The following TRIQK variants were observed in gnomAD, a reference collection of about 807,000 sequenced individuals.
The protein encoded by TRIQK is triple QxxK/R motif containing.
In TRIQK, 10 loss-of-function variants were observed where a neutral mutation model predicts 10.8. That is an observed-to-expected ratio of 0.92 (90% confidence interval 0.57 to 1.57). TRIQK has a LOEUF of 1.57. Among genes scored for constraint, TRIQK ranks in the 40% most tolerant of loss-of-function variants. TRIQK has a pLI of 0.00. For synonymous variants in TRIQK, 33 were observed against 33.7 expected (o/e 0.98, Z 0.07); for missense variants, 107 against 97.7 (o/e 1.09, Z -0.40).
rs760147438 is a variant in TRIQK at position 92,886,743 on chromosome 8, GA to G, written c.148-9del. 1.7e-4 allele frequency: 239 copies of G among 1,405,498 alleles called. No homozygotes were observed. Among genetic ancestry groups the G allele is most frequent in the African/African-American group, 5.3e-4 (36 of 68,234 alleles). 87.1% of individuals were successfully genotyped at this position (1,405,498 alleles called of 1,614,324 possible). A position where few individuals can be genotyped will look rare whatever the true frequency, so the allele number is the denominator to read the frequency against. On this transcript the variant is annotated splice_polypyrimidine_tract_variant and intron_variant, in intron 4 of 4. Transcript: ENST00000521988. ...AAGTACAAGGCCAACTTCCTGGGAA[GA>G]AAAAAAAAGTAGACTTGAAATTGAT...
At chr8:92,969,904 C>T (rs907848451), upstream of TRIQK, among the ~76,000 whole-genome samples, 2 of 152,050 alleles carry the variant, frequency 1.3e-5, no homozygotes, top group Non-Finnish European at 2.9e-5. Context: ...AGATATTAAG[C>T]CCAGCATGCA....
chr8:93,008,361 T>C (rs1813295236), intron 1 of TRIQK, among the ~76,000 whole-genome samples: 1 of 152,126 alleles, frequency 6.6e-6, no homozygotes, highest in East Asian at 1.9e-4. Context: ...TATCCAGTAG[T>C]CTTCGATGGG....
chr8:92,913,452 T>G (rs1370647430), intron 3 of TRIQK, among the ~76,000 whole-genome samples: 1 of 152,112 alleles, frequency 6.6e-6, no homozygotes, highest in East Asian at 1.9e-4. Context: ...TGGCAATCAT[T>G]AAAAAGTCAG....
At chr8:92,911,924 C>T (rs1809593971) in intron 3 of TRIQK, among the ~76,000 whole-genome samples, 2 of 138,140 alleles carry the variant, frequency 1.4e-5, no homozygotes, top group African/African-American at 5.6e-5. Context: ...TATATATATG[C>T]ACCCAACATC....
chr8:92,894,568 G>T (rs1808493562), intron 3 of TRIQK, among the ~76,000 whole-genome samples: 1 of 152,010 alleles, frequency 6.6e-6, no homozygotes. Context: ...TTTGACAGTT[G>T]CTCATTAAAT....
chr8:92,913,560 G>A (rs991413608), intron 3 of TRIQK, among the ~76,000 whole-genome samples: 1 of 152,166 alleles, frequency 6.6e-6, no homozygotes, highest in Non-Finnish European at 1.5e-5. Context: ...AGACATTGTG[G>A]TGATTCCTCA....
At chr8:92,933,692 A>C (rs548529224) in intron 2 of TRIQK, among the ~76,000 whole-genome samples, 1 of 152,288 alleles carries the variant, frequency 6.6e-6, no homozygotes, top group South Asian at 2.1e-4. Context: ...CACATACTGT[A>C]TGTTTACATG....
chr8:92,920,000 T>A (rs1403058155), intron 2 of TRIQK, among the ~76,000 whole-genome samples: 1 of 151,834 alleles, frequency 6.6e-6, no homozygotes, highest in African/African-American at 2.4e-5. Context: ...TTGTTTCCCA[T>A]TTTATTTGAG....
chr8:93,013,942 A>G (rs1813359901), intron 1 of TRIQK, among the ~76,000 whole-genome samples: 1 of 152,158 alleles, frequency 6.6e-6, no homozygotes, highest in Admixed American at 6.5e-5. Flanking sequence ...ATACTTTGGC[A>G]GTGCTATTTG....
chr8:92,976,409 T>C (rs954595308), intron 1 of TRIQK, among the ~76,000 whole-genome samples: 40 of 152,130 alleles, frequency 2.6e-4, no homozygotes, highest in Admixed American at 5.9e-4. Context: ...TCCCTGGTAA[T>C]GTTCTTTGCT....
At position 92,950,848 on chromosome 8, in the gene TRIQK, T is replaced by C. The variant is rs1811858399; in HGVS notation, c.-22+3558A>G. ...TTCCATAAATATTCTACTTTTCTATTTTCTTTTTGAATATTAAACTTTAGT... is the reference window on the plus strand; with the variant it reads ...TTCCATAAATATTCTACTTTTCTATCTTCTTTTTGAATATTAAACTTTAGT... On this transcript the variant is annotated intron_variant, in intron 2 of 4. Transcript: ENST00000521988. Among the ~76,000 whole-genome samples, 3 of 152,146 alleles carry C rather than the reference T, an allele frequency of 2.0e-5. 1 individual carries two copies. In the South Asian group the frequency reaches 6.2e-4, roughly 31 times the overall value.
chr8:92,933,078 T>C (rs1483013131), intron 2 of TRIQK, among the ~76,000 whole-genome samples: 2 of 152,132 alleles, frequency 1.3e-5, no homozygotes, highest in African/African-American at 4.8e-5. Flanking sequence ...AATAAACTGA[T>C]ACTGTTCACA....
chr8:93,009,338 A>G (rs1225778657), intron 1 of TRIQK, among the ~76,000 whole-genome samples: 2 of 152,214 alleles, frequency 1.3e-5, no homozygotes, highest in African/African-American at 4.8e-5. Flanking sequence ...GGCCGGGTGC[A>G]GTGGCTCATG....
At chr8:92,889,352 A>G (rs1816646756) in intron 4 of TRIQK, among the ~76,000 whole-genome samples, 1 of 151,632 alleles carries the variant, frequency 6.6e-6, no homozygotes, top group Non-Finnish European at 1.5e-5. Flanking sequence ...ATCATGTCTT[A>G]TTCATCTTTC....
At chr8:92,998,392 G>T (rs889108917) in intron 1 of TRIQK, among the ~76,000 whole-genome samples, 1 of 151,912 alleles carries the variant, frequency 6.6e-6, no homozygotes, top group Non-Finnish European at 1.5e-5. Flanking sequence ...AGACAATTTG[G>T]CAGAGAAGAT....
At chr8:92,977,413 A>G (rs1812944165) in intron 1 of TRIQK, among the ~76,000 whole-genome samples, 1 of 151,968 alleles carries the variant, frequency 6.6e-6, no homozygotes, top group Non-Finnish European at 1.5e-5. Context: ...CTTCATAGCT[A>G]TATATTCAAG....
intron 2 of TRIQK, among the ~76,000 whole-genome samples, chr8:92,926,586 G>T (rs1810460237): frequency 6.6e-6 from 1 of 151,850 alleles, no homozygotes; most frequent in South Asian, 2.1e-4. Flanking sequence ...AAGTGAGAGG[G>T]TGAAAATACA....
chr8:92,923,040 C>A (rs1007026374), intron 2 of TRIQK, among the ~76,000 whole-genome samples: 2 of 151,526 alleles, frequency 1.3e-5, no homozygotes, highest in Non-Finnish European at 3.0e-5. Context: ...AAGAAACACA[C>A]AAAAAAATAG....
At chr8:92,971,955 C>T (rs1010731757) in intron 1 of TRIQK, among the ~76,000 whole-genome samples, 1 of 152,148 alleles carries the variant, frequency 6.6e-6, no homozygotes, top group African/African-American at 2.4e-5. Context: ...TGTTACTAGG[C>T]TCATACACAT....
Sources: allele counts gnomAD v4.1 joint callset (sites outside exome capture counted in the v4.1 genomes callset), GRCh38; gene constraint gnomAD v4.1.1; transcripts MANE v1.5; gene names NCBI Gene and HGNC (gene_info 2026-07-23, HGNC 2026-07-21).